ADCY2: variants seen among roughly 807,000 people sequenced by gnomAD.
The protein encoded by ADCY2 is adenylate cyclase 2, also known as adenylate cyclase type 2.
A neutral mutation model predicts 125.2 loss-of-function variants in ADCY2; 31 were observed. The ratio of observed to expected loss-of-function variants is 0.25; its 90% CI spans 0.19 to 0.33. ADCY2 has a LOEUF of 0.33. Ranked by LOEUF, ADCY2 falls within the 10% of genes least tolerant of loss-of-function variation. The pLI is 1.00. For missense variants in ADCY2, 904 were observed against 1,418.2 expected (o/e 0.64, Z 5.82); for synonymous variants, 512 against 548.4 (o/e 0.93, Z 0.93).
At chr5:7,723,073 C>T (rs1056713452) in intron 12 of ADCY2, among the ~76,000 whole-genome samples, 2 of 151,218 alleles carry the variant, frequency 1.3e-5, no homozygotes, top group Non-Finnish European at 2.9e-5. Context: ...CACATATTCT[C>T]CCTTATAAGT....
At chr5:7,583,560 A>G (rs1345819925) in intron 3 of ADCY2, among the ~76,000 whole-genome samples, 10 of 152,046 alleles carry the variant, frequency 6.6e-5, no homozygotes, top group African/African-American at 2.2e-4. Flanking sequence ...GAATGAGATA[A>G]CACTACCCAT....
intron 2 of ADCY2, among the ~76,000 whole-genome samples, chr5:7,420,059 C>G (rs562973341): frequency 4.6e-5 from 7 of 151,672 alleles, no homozygotes; most frequent in Non-Finnish European, 1.0e-4. Flanking sequence ...AGCGATTGCA[C>G]CCCCCGGGGA....
At chr5:7,430,412 G>A (rs1213119756) in intron 2 of ADCY2, among the ~76,000 whole-genome samples, 1 of 151,580 alleles carries the variant, frequency 6.6e-6, no homozygotes, top group Non-Finnish European at 1.5e-5. Flanking sequence ...CTACAGACCA[G>A]TATCTTTCAG....
At chr5:7,586,135 T>C (rs1412902184) in intron 3 of ADCY2, among the ~76,000 whole-genome samples, 1 of 152,258 alleles carries the variant, frequency 6.6e-6, no homozygotes, top group Non-Finnish European at 1.5e-5. Context: ...CTTATATTTT[T>C]CCCTGTATCA....
intron 15 of ADCY2, among the ~76,000 whole-genome samples, chr5:7,752,109 GA>G (rs1321566145): frequency 6.6e-6 from 1 of 152,164 alleles, no homozygotes; most frequent in Non-Finnish European, 1.5e-5. Flanking sequence ...ACAGTGCAGG[GA>G]TGTGGCTCAC....
At chr5:7,650,298 G>A (rs1009330079) in intron 4 of ADCY2, among the ~76,000 whole-genome samples, 4 of 151,814 alleles carry the variant, frequency 2.6e-5, no homozygotes, top group Admixed American at 1.3e-4. Flanking sequence ...CTGTCCCTGA[G>A]TGTGCAGGCT....
At chr5:7,626,848 A>T (rs1006348471) in intron 4 of ADCY2, among the ~76,000 whole-genome samples, 3 of 152,110 alleles carry the variant, frequency 2.0e-5, no homozygotes, top group African/African-American at 7.2e-5. Context: ...AAATTTCAAC[A>T]TGAGATTTGG....
intron 15 of ADCY2, among the ~76,000 whole-genome samples, chr5:7,752,913 TTC>T (rs76239357): frequency 6.7e-6 from 1 of 149,890 alleles, no homozygotes; most frequent in Non-Finnish European, 1.5e-5. Context: ...TTTTTTTTTT[TTC>T]TGAGACACAG....
intron 2 of ADCY2, among the ~76,000 whole-genome samples, chr5:7,456,373 C>T (rs1741669488): frequency 1.3e-5 from 2 of 152,190 alleles, no homozygotes; most frequent in African/African-American, 4.8e-5. Context: ...AAATAGCTTC[C>T]TGTGCCTCAA....
At chr5:7,725,220 T>C (rs1435860287) in intron 13 of ADCY2, among the ~76,000 whole-genome samples, 1 of 152,174 alleles carries the variant, frequency 6.6e-6, no homozygotes, top group African/African-American at 2.4e-5. Context: ...TTCTTCTAGC[T>C]CAACTTTATT....
At chr5:7,711,669 T>C (rs1041646885) in intron 10 of ADCY2, among the ~76,000 whole-genome samples, 2 of 152,230 alleles carry the variant, frequency 1.3e-5, no homozygotes, top group African/African-American at 4.8e-5. Context: ...TATGTGTTGA[T>C]GAAGATGCCT....
chr5:7,635,363 C>A (rs777816983), intron 4 of ADCY2, among the ~76,000 whole-genome samples: 2 of 151,992 alleles, frequency 1.3e-5, no homozygotes. Context: ...TGAGAGTGGA[C>A]AGATTTAGGA....
intron 2 of ADCY2, among the ~76,000 whole-genome samples, chr5:7,474,780 C>T (rs1289746620): frequency 6.6e-6 from 1 of 152,206 alleles, no homozygotes; most frequent in Admixed American, 6.5e-5. Flanking sequence ...CAAGAATTCA[C>T]ATATCAACTG....
chr5:7,826,657 G>A, intron 24 of ADCY2, 62 bp from the exon 25 acceptor site: 1 of 1,609,836 alleles, frequency 6.2e-7, no homozygotes, highest in Admixed American at 1.7e-5. Flanking sequence ...GCATCCTTGA[G>A]TCAGATGGGT....
chr5:7,555,434 C>A (rs1351021700), intron 3 of ADCY2, among the ~76,000 whole-genome samples: 2 of 152,154 alleles, frequency 1.3e-5, no homozygotes, highest in African/African-American at 4.8e-5. Context: ...TTGTTCAGAT[C>A]TTTAGCTTTT....
Position 7,789,594 on chromosome 5 carries a change from A to G in ADCY2, c.2470-48A>G, listed in dbSNP as rs751372180. 12 of 1,556,876 alleles carry G rather than the reference A, an allele frequency of 7.7e-6. No homozygotes were observed. In the East Asian group the frequency reaches 2.3e-4, roughly 30 times the overall value. On this transcript the variant is annotated intron_variant, in intron 19 of 24. Coordinates refer to ENST00000338316, the MANE Select transcript of ADCY2 (RefSeq NM_020546.3). ...CTCTTTAAAACCTCCACTCTCTGGC[A>G]GGACAAGATGCCTATTGTTTCTTTA...
Position 7,477,662 on chromosome 5 carries a change from A to G in ADCY2, c.409-43076A>G, listed in dbSNP as rs1358588948. Among the ~76,000 whole-genome samples, 15 of 152,162 alleles carry G rather than the reference A, an allele frequency of 9.9e-5. 1 individual carries two copies. Among genetic ancestry groups the G allele is most frequent in the Admixed American group, 7.9e-4 (12 of 15,282 alleles). On this transcript the variant is annotated intron_variant, in intron 2 of 24. Coordinates refer to ENST00000338316, the MANE Select transcript of ADCY2 (RefSeq NM_020546.3). ...AACTTTTGAAGATTTGCTCTTATCCAGTCTTCAGTTTACATGCATTTCTGT... is the reference window on the plus strand; with the variant it reads ...AACTTTTGAAGATTTGCTCTTATCCGGTCTTCAGTTTACATGCATTTCTGT...
intron 2 of ADCY2, among the ~76,000 whole-genome samples, chr5:7,466,870 C>T (rs940217380): frequency 3.3e-5 from 5 of 152,160 alleles, no homozygotes; most frequent in African/African-American, 1.2e-4. Context: ...AATCCTCACA[C>T]CCACCCCATG....
intron 12 of ADCY2, among the ~76,000 whole-genome samples, chr5:7,724,166 A>T: frequency 6.8e-6 from 1 of 146,446 alleles, no homozygotes. Context: ...TAGATCCTTA[A>T]GGAGGTGAAA....
Sources: allele counts gnomAD v4.1 joint callset (sites outside exome capture counted in the v4.1 genomes callset), GRCh38; gene constraint gnomAD v4.1.1; transcripts MANE v1.5; gene names NCBI Gene and HGNC (gene_info 2026-07-23, HGNC 2026-07-21).